Variants in TLK1 observed in about 807,000 individuals in gnomAD.
TLK1 encodes the protein serine/threonine-protein kinase tousled-like 1.
Under a neutral mutation model 105.3 loss-of-function variants are expected in TLK1, and 24 were observed. The ratio of observed to expected loss-of-function variants is 0.23; its 90% confidence interval spans 0.17 to 0.32. The LOEUF (loss-of-function observed/expected upper bound fraction) is 0.32, where lower values mean the gene tolerates loss of function less well. TLK1 is among the 10% of genes least tolerant of loss of function. The probability of loss-of-function intolerance (pLI) is 1.00; values close to 1 mark genes in which losing one functional copy is unlikely to be tolerated. For missense variants in TLK1, 558 were observed against 910.5 expected (o/e 0.61, Z 4.98); for synonymous variants, 321 against 310.4 (o/e 1.03, Z -0.36).
intron 1 of TLK1, among the ~76,000 whole-genome samples, chr2:171,209,935 C>G (rs1042864924): frequency 3.3e-5 from 5 of 152,172 alleles, no homozygotes; most frequent in Non-Finnish European, 7.3e-5. Flanking sequence ...CCCTAGCAAA[C>G]TAATGACAAT....
At chr2:171,157,888 A>G (rs1260837260) in intron 1 of TLK1, among the ~76,000 whole-genome samples, 1 of 152,208 alleles carries the variant, frequency 6.6e-6, no homozygotes, top group East Asian at 1.9e-4. Context: ...CAATTTTTCA[A>G]GAAACAAAGT....
At chr2:171,024,582 T>C (rs1255914213) in intron 12 of TLK1, among the ~76,000 whole-genome samples, 1 of 152,198 alleles carries the variant, frequency 6.6e-6, no homozygotes, top group African/African-American at 2.4e-5. Context: ...TTAATTTTTC[T>C]GAATACAAAG....
intron 18 of TLK1, among the ~76,000 whole-genome samples, chr2:171,002,435 C>T (rs891953836): frequency 4.0e-5 from 6 of 151,792 alleles, no homozygotes; most frequent in African/African-American, 1.2e-4. Context: ...CCACCATGCC[C>T]GGCTAATTTT....
At chr2:171,115,979 T>C (rs888139391) in intron 2 of TLK1, among the ~76,000 whole-genome samples, 1 of 152,242 alleles carries the variant, frequency 6.6e-6, no homozygotes, top group South Asian at 2.1e-4. Flanking sequence ...TTCATAATAC[T>C]TTTATTCATG....
chr2:171,028,622 G>A (rs192289088), intron 11 of TLK1, among the ~76,000 whole-genome samples: 52 of 151,750 alleles, frequency 3.4e-4, no homozygotes, highest in Non-Finnish European at 6.3e-4. Flanking sequence ...GAAAATGTAT[G>A]AGCCAAAAAT....
At chr2:171,206,154 G>A (rs1032057836) in intron 1 of TLK1, among the ~76,000 whole-genome samples, 8 of 152,130 alleles carry the variant, frequency 5.3e-5, no homozygotes, top group Non-Finnish European at 1.0e-4. Flanking sequence ...AGCAATGAGA[G>A]GCTATTTTAA....
At chr2:171,173,974 A>C (rs1692775990) in intron 1 of TLK1, among the ~76,000 whole-genome samples, 1 of 152,046 alleles carries the variant, frequency 6.6e-6, no homozygotes, top group African/African-American at 2.4e-5. Context: ...GTGTCTCTTA[A>C]ACAGCCTGTT....
chr2:171,194,707 C>T (rs113667825), intron 1 of TLK1, among the ~76,000 whole-genome samples: 1 of 146,868 alleles, frequency 6.8e-6, no homozygotes, highest in African/African-American at 2.7e-5. Flanking sequence ...GTCCCAGCTA[C>T]TCCGGAGGCT....
At chr2:171,029,225 G>A (rs573945241) in intron 11 of TLK1, among the ~76,000 whole-genome samples, 1 of 152,256 alleles carries the variant, frequency 6.6e-6, no homozygotes, top group Admixed American at 6.5e-5. Flanking sequence ...AGTCAGTCCA[G>A]TTTGGGCAGT....
At chr2:171,021,707 T>C (rs1685517747) in intron 12 of TLK1, among the ~76,000 whole-genome samples, 1 of 152,194 alleles carries the variant, frequency 6.6e-6, no homozygotes, top group South Asian at 2.1e-4. Context: ...AATTTACAAA[T>C]CTGAATTAGT....
At chr2:171,169,179 T>A (rs1558979090) in intron 1 of TLK1, among the ~76,000 whole-genome samples, 1 of 152,222 alleles carries the variant, frequency 6.6e-6, no homozygotes, top group Non-Finnish European at 1.5e-5. Context: ...GTGCTTTTTC[T>A]CTTTGTACAC....
At chr2:171,006,366 C>G in intron 17 of TLK1, 84 bp from the exon 18 acceptor site, 1 of 1,472,604 alleles carries the variant, frequency 6.8e-7, no homozygotes, top group South Asian at 1.4e-5. Flanking sequence ...TAGTATTTTA[C>G]TGATGTCTTA....
At chr2:171,197,144 T>C (rs1693290472) in intron 1 of TLK1, among the ~76,000 whole-genome samples, 1 of 152,196 alleles carries the variant, frequency 6.6e-6, no homozygotes, top group African/African-American at 2.4e-5. Flanking sequence ...AACAGTGTTA[T>C]GTTTTGTGTT....
At chr2:171,024,085 C>T (rs1291662824) in intron 12 of TLK1, among the ~76,000 whole-genome samples, 3 of 152,090 alleles carry the variant, frequency 2.0e-5, no homozygotes, top group African/African-American at 7.2e-5. Flanking sequence ...TTTACAACTA[C>T]AAGCTTTTAT....
chr2:171,176,087 T>C (rs976018504), intron 1 of TLK1, among the ~76,000 whole-genome samples: 1 of 151,858 alleles, frequency 6.6e-6, no homozygotes, highest in African/African-American at 2.4e-5. Flanking sequence ...CAAGCATGGG[T>C]CACCATGCCC....
intron 11 of TLK1, among the ~76,000 whole-genome samples, chr2:171,040,861 GCCA>G (rs1391148408): frequency 6.6e-6 from 1 of 152,012 alleles, no homozygotes; most frequent in African/African-American, 2.4e-5. Context: ...ACAGGCCTGA[GCCA>G]CCACGCCCAG....
In TLK1 at chr2:170,992,219, T is replaced by C. The variant is rs958032846; in HGVS notation, c.*1561A>G. ...TGTTTTGGCTATACTCTCTACAATT[T>C]CAGCAGCATTTTAAAGAGACAATGT... On this transcript the variant is annotated 3_prime_UTR_variant, in exon 21 of 21. Coordinates refer to ENST00000431350, the MANE Select transcript of TLK1 (RefSeq NM_012290.5). 3 of 152,150 alleles carry C rather than the reference T, an allele frequency of 2.0e-5. No individual in the cohort carries two copies. The highest frequency in any genetic ancestry group is 7.2e-5 in the African/African-American group (3 of 41,454). The allele number at this position is 152,150 out of a possible 1,614,324, so 9.4% of individuals were successfully genotyped here. A position where few individuals can be genotyped will look rare whatever the true frequency, so the allele number is the denominator to read the frequency against.
rs1688880420 is a variant in TLK1 at position 171,084,425 on chromosome 2, A to C, written c.259-1573T>G. Among the ~76,000 whole-genome samples the C allele has an allele frequency of 1.3e-5, 2 of 152,188 alleles. 1 individual carries two copies. The highest frequency in any genetic ancestry group is 2.9e-5 in the Non-Finnish European group (2 of 68,022). On this transcript the variant is annotated intron_variant, in intron 2 of 20. Transcript: ENST00000431350. ...TGAGTACTATATAGGTACAATTACA[A>C]TAATGGAAAGAGAATATTCAGATAA...
chr2:171,208,777 G>A (rs901944453), intron 1 of TLK1, among the ~76,000 whole-genome samples: 4 of 152,182 alleles, frequency 2.6e-5, no homozygotes. Context: ...ATTAGTTACT[G>A]TTCCCTGCAG....
Sources: gnomAD v4.1 joint callset for allele counts (sites outside exome capture counted in the v4.1 genomes callset) on GRCh38, gnomAD v4.1.1 for gene constraint, MANE v1.5 for transcripts, NCBI Gene and HGNC (gene_info 2026-07-23, HGNC 2026-07-21) for gene names.